The following STAU2 variants were observed in gnomAD, a reference collection of about 807,000 sequenced individuals.
STAU2 encodes the protein double-stranded RNA-binding protein Staufen homolog 2.
A neutral mutation model predicts 65.9 loss-of-function variants in STAU2; 20 were observed. The observed-to-expected ratio is 0.30, with a 90% CI of 0.21 to 0.44. The LOEUF is 0.44. Among genes scored for constraint, STAU2 ranks in the 20% least tolerant of loss-of-function variants. STAU2 has a pLI of 1.00. For missense variants in STAU2, 558 were observed against 683.9 expected (o/e 0.82, Z 2.05); for synonymous variants, 232 against 233.9 (o/e 0.99, Z 0.07).
At chr8:73,736,476 T>C (rs1195470850) in intron 3 of STAU2, among the ~76,000 whole-genome samples, 2 of 152,206 alleles carry the variant, frequency 1.3e-5, no homozygotes, top group Admixed American at 6.5e-5. Context: ...AAATGTCATG[T>C]TATTAAACTA....
chr8:73,712,913 CAG>C (rs1820998664), intron 3 of STAU2, among the ~76,000 whole-genome samples: 1 of 152,174 alleles, frequency 6.6e-6, no homozygotes, highest in Non-Finnish European at 1.5e-5. Flanking sequence ...GCCTGGGTGA[CAG>C]AGTGAGATCC....
At chr8:73,723,165 A>G (rs902124874) in intron 3 of STAU2, among the ~76,000 whole-genome samples, 1 of 152,020 alleles carries the variant, frequency 6.6e-6, no homozygotes, top group African/African-American at 2.4e-5. Context: ...ATACTGGAAC[A>G]ATCTAGAGAA....
At chr8:73,679,033 C>T (rs16938715) in intron 5 of STAU2, among the ~76,000 whole-genome samples, 11,037 of 152,224 alleles carry the variant, frequency 0.073, 437 homozygotes, top group Middle Eastern at 0.14. Context: ...CAAAATCTTT[C>T]TTAACCTCCA....
intron 13 of STAU2, among the ~76,000 whole-genome samples, chr8:73,437,752 A>G (rs1817819136): frequency 6.6e-6 from 1 of 152,046 alleles, no homozygotes; most frequent in Admixed American, 6.6e-5. Context: ...TGGGCCTGAG[A>G]AGAGCGGCCC....
chr8:73,489,529 C>T (rs1183490717), intron 13 of STAU2, among the ~76,000 whole-genome samples: 1 of 151,884 alleles, frequency 6.6e-6, no homozygotes, highest in Non-Finnish European at 1.5e-5. Flanking sequence ...AGTGTTTCAG[C>T]CCATAAAACA....
intron 13 of STAU2, among the ~76,000 whole-genome samples, chr8:73,474,276 G>A (rs1006359623): frequency 3.3e-5 from 5 of 152,310 alleles, no homozygotes; most frequent in East Asian, 3.9e-4. Flanking sequence ...GCCAGCATGC[G>A]TTGGAACTGA....
At chr8:73,605,564 C>T (rs959321779) in intron 9 of STAU2, among the ~76,000 whole-genome samples, 1 of 151,932 alleles carries the variant, frequency 6.6e-6, no homozygotes, top group Non-Finnish European at 1.5e-5. Flanking sequence ...CCACCTCGGC[C>T]TCCCAAAGTG....
At chr8:73,622,123 ATTTTTT>A (rs71269924) in intron 6 of STAU2, among the ~76,000 whole-genome samples, 8 of 25,182 alleles carry the variant, frequency 3.2e-4, no homozygotes, top group Admixed American at 1.1e-3. Context: ...TGCCCAGCTA[ATTTTTT>A]TTTTTTTTTT....
At position 73,586,646 on chromosome 8, in the gene STAU2, CAAAAAAAAAA is replaced by C. The variant is rs56687221; in HGVS notation, c.1162-3826_1162-3817del. Reference sequence around the variant, plus strand: ...TGAGGAGAACAGAAGAAAAAAAATGCAAAAAAAAAAAAAAAAAAAAATCCTCAGGCACATA... The same window carrying C: ...TGAGGAGAACAGAAGAAAAAAAATGCAAAAAAAAAAATCCTCAGGCACATA... On this transcript the variant is annotated intron_variant, in intron 11 of 14. Transcript: ENST00000524300. Among the ~76,000 whole-genome samples the C allele has an allele frequency of 9.6e-5, 6 of 62,730 alleles. 1 individual carries two copies. In the East Asian group the frequency reaches 2.8e-3, roughly 29 times the overall value. The allele number at this position is 62,730 out of a possible 152,430, so 41.2% of individuals were successfully genotyped here. A position where few individuals can be genotyped will look rare whatever the true frequency, so the allele number is the denominator to read the frequency against.
intron 3 of STAU2, among the ~76,000 whole-genome samples, chr8:73,711,119 G>T (rs76017746): frequency 0.011 from 1,161 of 101,384 alleles, 21 homozygotes; most frequent in African/African-American, 0.043. Flanking sequence ...TTAAGCCATT[G>T]TAAGTGGCTT....
intron 4 of STAU2, among the ~76,000 whole-genome samples, chr8:73,698,616 A>G (rs1399907487): frequency 6.6e-6 from 1 of 152,184 alleles, no homozygotes; most frequent in East Asian, 1.9e-4. Flanking sequence ...ATAATTGTAA[A>G]TATATATGCA....
chr8:73,509,277 A>C (rs1011591363), intron 13 of STAU2, among the ~76,000 whole-genome samples: 1 of 152,130 alleles, frequency 6.6e-6, no homozygotes, highest in African/African-American at 2.4e-5. Context: ...GGTGCTTATT[A>C]GCCAACTGTA....
chr8:73,617,183 T>C (rs763902990), intron 7 of STAU2, 109 bp downstream of exon 7: 46 of 1,321,508 alleles, frequency 3.5e-5, no homozygotes, highest in Admixed American at 1.5e-4. Context: ...GTCTTCACTC[T>C]AGTATTCTTC....
chr8:73,454,019 C>T (rs1362123831), intron 13 of STAU2, among the ~76,000 whole-genome samples: 1 of 151,900 alleles, frequency 6.6e-6, no homozygotes, highest in African/African-American at 2.4e-5. Flanking sequence ...TGTTGTGTTC[C>T]TTTTACTCAA....
intron 4 of STAU2, among the ~76,000 whole-genome samples, chr8:73,705,816 G>A (rs1820466570): frequency 6.6e-6 from 1 of 152,124 alleles, no homozygotes; most frequent in African/African-American, 2.4e-5. Flanking sequence ...ACGTAAGATA[G>A]GTCACTACCT....
intron 9 of STAU2, among the ~76,000 whole-genome samples, chr8:73,605,864 C>T (rs950708820): frequency 1.6e-4 from 13 of 81,734 alleles, no homozygotes; most frequent in African/African-American, 3.1e-4. Context: ...CACACACACA[C>T]ACACACACAC....
chr8:73,616,044 G>A (rs931892316), intron 7 of STAU2, among the ~76,000 whole-genome samples: 2 of 152,076 alleles, frequency 1.3e-5, no homozygotes, highest in African/African-American at 2.4e-5. Context: ...ACACTAATTT[G>A]AGTTTAGCCT....
intron 13 of STAU2, chr8:73,549,571 T>C: frequency 2.2e-6 from 2 of 897,568 alleles, no homozygotes; most frequent in Non-Finnish European, 1.3e-6. Context: ...AAAGACTGGG[T>C]GATGAAACAA....
intron 13 of STAU2, among the ~76,000 whole-genome samples, chr8:73,427,127 C>T (rs1816884974): frequency 6.6e-6 from 1 of 151,932 alleles, no homozygotes; most frequent in Non-Finnish European, 1.5e-5. Context: ...GGGGTTTCTC[C>T]ATGTTGGTCA....
Sources: allele counts gnomAD v4.1 joint callset (sites outside exome capture counted in the v4.1 genomes callset), GRCh38; gene constraint gnomAD v4.1.1; transcripts MANE v1.5; gene names NCBI Gene and HGNC (gene_info 2026-07-23, HGNC 2026-07-21).